The following BBX variants were observed in gnomAD, a reference collection of about 807,000 sequenced individuals.
The protein encoded by BBX is BBX high mobility group box domain containing, also known as HMG box transcription factor BBX.
In BBX, 30 loss-of-function variants were observed where a neutral mutation model predicts 100.2. The observed-to-expected ratio is 0.30, with a 90% CI of 0.22 to 0.41. The LOEUF is 0.41. Among genes scored for constraint, BBX ranks in the 10% least tolerant of loss-of-function variants. BBX has a pLI of 1.00. For missense variants in BBX, 1,023 were observed against 1,129.8 expected (o/e 0.91, Z 1.35); for synonymous variants, 376 against 388.1 (o/e 0.97, Z 0.37).
intron 2 of BBX, among the ~76,000 whole-genome samples, chr3:107,622,028 C>G (rs958012111): frequency 2.7e-4 from 41 of 152,000 alleles, no homozygotes; most frequent in African/African-American, 9.7e-4. Flanking sequence ...GTGTACAGTT[C>G]TTTGTTAAAA....
chr3:107,663,669 T>A (rs1432003490), intron 3 of BBX, among the ~76,000 whole-genome samples: 1 of 152,190 alleles, frequency 6.6e-6, no homozygotes, highest in African/African-American at 2.4e-5. Context: ...CTGCTCAACA[T>A]CGTATTTGAC....
At chr3:107,649,810 C>T (rs1348037418) in intron 3 of BBX, among the ~76,000 whole-genome samples, 16 of 152,120 alleles carry the variant, frequency 1.1e-4, no homozygotes. Flanking sequence ...ATATTCGTTA[C>T]CGCATAATCT....
chr3:107,783,492 T>C (rs1319395879), intron 13 of BBX, among the ~76,000 whole-genome samples: 1 of 152,094 alleles, frequency 6.6e-6, no homozygotes, highest in Non-Finnish European at 1.5e-5. Flanking sequence ...TCTTCTTTCC[T>C]AACACACTGC....
intron 3 of BBX, among the ~76,000 whole-genome samples, chr3:107,704,727 A>G (rs549244412): frequency 1.2e-4 from 19 of 152,308 alleles, no homozygotes; most frequent in African/African-American, 4.3e-4. Context: ...GTTAGGCCCT[A>G]CTTCCCAACA....
intron 2 of BBX, among the ~76,000 whole-genome samples, chr3:107,578,330 C>T (rs1316788144): frequency 6.6e-6 from 1 of 152,128 alleles, no homozygotes; most frequent in Admixed American, 6.5e-5. Context: ...GAGCTACAGA[C>T]GGAAAGCAAC....
chr3:107,779,346 A>G (rs958682557), intron 13 of BBX, among the ~76,000 whole-genome samples: 1 of 151,966 alleles, frequency 6.6e-6, no homozygotes. Context: ...TATTGCTTTC[A>G]TTGAGAAACT....
intron 2 of BBX, among the ~76,000 whole-genome samples, chr3:107,602,947 TTTTTGTTTTG>T (rs148228256): frequency 0.011 from 1,616 of 151,574 alleles, 31 homozygotes; most frequent in African/African-American, 0.036. Flanking sequence ...TTCCAGTGTT[TTTTTGTTTTG>T]TTTTGTTTTG....
intron 3 of BBX, among the ~76,000 whole-genome samples, chr3:107,687,590 C>G (rs187533798): frequency 1.2e-4 from 19 of 152,252 alleles, no homozygotes; most frequent in African/African-American, 4.6e-4. Flanking sequence ...TTTTCAGCTT[C>G]ATCAGTTGCT....
At chr3:107,619,777 C>T (rs763261427) in intron 2 of BBX, among the ~76,000 whole-genome samples, 4 of 152,026 alleles carry the variant, frequency 2.6e-5, no homozygotes, top group Non-Finnish European at 5.9e-5. Flanking sequence ...TCCTTCTGAC[C>T]TCTGTGGTTT....
intron 1 of BBX, chr3:107,524,640 A>C (rs1461065398): frequency 6.8e-6 from 1 of 146,056 alleles, no homozygotes; most frequent in Non-Finnish European, 1.5e-5. Flanking sequence ...AGGGAGAGAC[A>C]GAGAGAGAAG....
chr3:107,551,084 AT>A (rs2049632930), intron 2 of BBX, among the ~76,000 whole-genome samples: 1 of 152,220 alleles, frequency 6.6e-6, no homozygotes, highest in African/African-American at 2.4e-5. Flanking sequence ...GGCAAAAAAA[AT>A]GTTAAATAAA....
chr3:107,612,823 T>C (rs1483960160), intron 2 of BBX, among the ~76,000 whole-genome samples: 1 of 152,200 alleles, frequency 6.6e-6, no homozygotes, highest in Non-Finnish European at 1.5e-5. Flanking sequence ...TGTGTCCTTC[T>C]GTTCAGGGTG....
intron 2 of BBX, among the ~76,000 whole-genome samples, chr3:107,601,967 C>A (rs1258891208): frequency 6.6e-6 from 1 of 152,176 alleles, no homozygotes; most frequent in Non-Finnish European, 1.5e-5. Context: ...AAAGCCATTG[C>A]TCATTTACCA....
intron 3 of BBX, chr3:107,661,742 T>G (rs1258035055): frequency 5.1e-6 from 2 of 393,548 alleles, no homozygotes; most frequent in Non-Finnish European, 6.9e-6. Flanking sequence ...TCTCAACTCT[T>G]TATTTCTGTC....
chr3:107,796,822 A>C lies in BBX; in HGVS notation c.2354-1701A>C, dbSNP rs544017091. Among the ~76,000 whole-genome samples, 3 of 152,328 alleles carry C rather than the reference A, an allele frequency of 2.0e-5. No homozygotes were observed. The South Asian group carries it at 6.2e-4, about 32-fold the overall frequency. On this transcript the variant is annotated intron_variant, in intron 15 of 17. Transcript: ENST00000325805. The stretch of plus-strand genomic sequence containing the variant: ...ACTAAGTATAATAACTGAGTAAATT[A>C]ATCCACCATTGAGGTAGATCTATTT...
chr3:107,708,899 T>A (rs528501462), intron 3 of BBX, among the ~76,000 whole-genome samples: 90 of 152,154 alleles, frequency 5.9e-4, no homozygotes, highest in African/African-American at 2.2e-3. Context: ...CAGCTTAAAT[T>A]TTTTAATGGC....
At chr3:107,715,299 C>CT (rs1345993552) in intron 4 of BBX, among the ~76,000 whole-genome samples, 2 of 152,164 alleles carry the variant, frequency 1.3e-5, no homozygotes, top group African/African-American at 4.8e-5. Context: ...GAATTGGAAA[C>CT]TCTGGGAATG....
intron 2 of BBX, among the ~76,000 whole-genome samples, chr3:107,571,861 T>C (rs1370801930): frequency 6.6e-6 from 1 of 152,252 alleles, no homozygotes; most frequent in African/African-American, 2.4e-5. Context: ...GTTTGGTTCC[T>C]GTGCATGTGT....
intron 3 of BBX, among the ~76,000 whole-genome samples, chr3:107,679,329 A>T (rs924282067): frequency 3.3e-5 from 5 of 152,174 alleles, no homozygotes; most frequent in Admixed American, 2.0e-4. Context: ...TATGGAATTT[A>T]CATATCATGG....
Sources: allele counts gnomAD v4.1 joint callset (sites outside exome capture counted in the v4.1 genomes callset), GRCh38; gene constraint gnomAD v4.1.1; transcripts MANE v1.5; gene names NCBI Gene and HGNC (gene_info 2026-07-23, HGNC 2026-07-21).